KIF16B: variants seen among roughly 807,000 people sequenced by gnomAD.
The protein encoded by KIF16B is kinesin-like protein KIF16B.
A neutral mutation model predicts 156.3 loss-of-function variants in KIF16B; 98 were observed. That is an observed-to-expected ratio of 0.63 (90% CI 0.53 to 0.74). The LOEUF (loss-of-function observed/expected upper bound fraction) is 0.74, where lower values mean the gene tolerates loss of function less well. KIF16B is among the 30% of genes least tolerant of loss of function. KIF16B has a pLI of 0.00. For missense variants in KIF16B, 1,421 were observed against 1,606.5 expected (o/e 0.88, Z 1.97); for synonymous variants, 564 against 583.7 (o/e 0.97, Z 0.49).
rs1187462801 is a variant in KIF16B at position 16,285,990 on chromosome 20, C to G, written c.3796-12579G>C. ...CTCCAGAAGTACATAGTTTCTCATTCTGAAATTGGTTGTACTAGCTCATTA... is the reference window on the plus strand; with the variant it reads ...CTCCAGAAGTACATAGTTTCTCATTGTGAAATTGGTTGTACTAGCTCATTA... On this transcript the variant is annotated intron_variant, in intron 25 of 25. Transcript: ENST00000354981. Among the ~76,000 whole-genome samples, 4 of 152,310 alleles carry G rather than the reference C, an allele frequency of 2.6e-5. No individual in the cohort carries two copies. In the South Asian group the frequency reaches 6.2e-4, roughly 24 times the overall value.
At chr20:16,501,013 G>A (rs1398201434) in intron 10 of KIF16B, among the ~76,000 whole-genome samples, 1 of 151,996 alleles carries the variant, frequency 6.6e-6, no homozygotes, top group African/African-American at 2.4e-5. Flanking sequence ...ATTAAATGCA[G>A]AAATAGCTGA....
chr20:16,288,912 C>A (rs903886674), intron 25 of KIF16B, among the ~76,000 whole-genome samples: 2 of 149,872 alleles, frequency 1.3e-5, no homozygotes, highest in African/African-American at 2.4e-5. Context: ...TTATTGGGAT[C>A]CCATCATAAG....
At chr20:16,542,579 A>G (rs968726743) in intron 1 of KIF16B, among the ~76,000 whole-genome samples, 6 of 152,212 alleles carry the variant, frequency 3.9e-5, no homozygotes, top group Admixed American at 2.6e-4. Flanking sequence ...ATGAACAAAC[A>G]CCTGAACGGG....
intron 1 of KIF16B, among the ~76,000 whole-genome samples, chr20:16,572,290 A>G (rs1033236253): frequency 6.6e-6 from 1 of 152,230 alleles, no homozygotes; most frequent in African/African-American, 2.4e-5. Flanking sequence ...GGCTGCCCCA[A>G]TCAGGCATCA....
At chr20:16,534,184 G>C (rs1338227630) in intron 1 of KIF16B, among the ~76,000 whole-genome samples, 1 of 151,998 alleles carries the variant, frequency 6.6e-6, no homozygotes, top group African/African-American at 2.4e-5. Context: ...GAGCCCGGGG[G>C]ACAGAGGTTG....
At chr20:16,549,474 T>C (rs1351750954) in intron 1 of KIF16B, among the ~76,000 whole-genome samples, 2 of 151,826 alleles carry the variant, frequency 1.3e-5, no homozygotes, top group African/African-American at 2.4e-5. Flanking sequence ...AAGTCTTTGC[T>C]ATTGTGAATA....
intron 12 of KIF16B, among the ~76,000 whole-genome samples, chr20:16,437,480 A>G (rs1396751519): frequency 6.6e-6 from 1 of 152,220 alleles, no homozygotes; most frequent in Non-Finnish European, 1.5e-5. Context: ...TAGGGTGAAT[A>G]AGAACAGAGT....
In KIF16B at chr20:16,331,895, T is replaced by C. The variant is rs903944632; in HGVS notation, c.3711+4031A>G. ...TAAGCACTAATGAGGGCAATAATAA[T>C]TGACAAATACGTAATAAACATTGAT... On this transcript the variant is annotated intron_variant, in intron 24 of 25. Coordinates refer to ENST00000354981, the MANE Select transcript of KIF16B (RefSeq NM_024704.5). 2.0e-5 allele frequency among the ~76,000 whole-genome samples: 3 copies of C among 152,150 alleles called. No individual in the cohort carries two copies. In the East Asian group the frequency reaches 5.8e-4, roughly 29 times the overall value.
chr20:16,543,729 G>T (rs17675229), intron 1 of KIF16B, among the ~76,000 whole-genome samples: 1 of 152,118 alleles, frequency 6.6e-6, no homozygotes, highest in African/African-American at 2.4e-5. Context: ...GATGGTAAGC[G>T]GCCTGAGAGT....
intron 19 of KIF16B, among the ~76,000 whole-genome samples, chr20:16,374,911 G>A (rs773810535): frequency 3.3e-5 from 5 of 152,208 alleles, no homozygotes; most frequent in Non-Finnish European, 5.9e-5. Flanking sequence ...GGAGATGACG[G>A]CAGAAGATTA....
intron 20 of KIF16B, among the ~76,000 whole-genome samples, chr20:16,372,340 G>A (rs1478927170): frequency 6.6e-6 from 1 of 152,160 alleles, no homozygotes; most frequent in Non-Finnish European, 1.5e-5. Flanking sequence ...CTCTGTACCT[G>A]GCCAGCAAGA....
At chr20:16,484,120 A>T (rs2068054393) in intron 12 of KIF16B, among the ~76,000 whole-genome samples, 1 of 152,210 alleles carries the variant, frequency 6.6e-6, no homozygotes, top group Non-Finnish European at 1.5e-5. Flanking sequence ...TGCATTCAAG[A>T]TAATTTATGG....
chr20:16,363,042 A>T (rs1403967163), intron 22 of KIF16B, among the ~76,000 whole-genome samples: 1 of 152,216 alleles, frequency 6.6e-6, no homozygotes. Flanking sequence ...GGTTTGAAAA[A>T]TGTACTGTTT....
At chr20:16,396,938 A>C (rs2065522756) in intron 17 of KIF16B, among the ~76,000 whole-genome samples, 1 of 152,170 alleles carries the variant, frequency 6.6e-6, no homozygotes, top group East Asian at 1.9e-4. Flanking sequence ...GCTAGAATTT[A>C]ATTATTCAAA....
intron 17 of KIF16B, chr20:16,382,244 C>T: frequency 2.3e-6 from 1 of 431,376 alleles, no homozygotes; most frequent in Non-Finnish European, 3.8e-6. Flanking sequence ...ACTTAAAAGG[C>T]AATAGCCATG....
chr20:16,427,276 C>T (rs747944832), intron 14 of KIF16B, 35 bp from the exon 15 acceptor site: 26 of 1,585,896 alleles, frequency 1.6e-5, no homozygotes, highest in Non-Finnish European at 2.2e-5. Flanking sequence ...AGAATTTTTC[C>T]CCCTTTTCTA....
intron 12 of KIF16B, among the ~76,000 whole-genome samples, chr20:16,452,750 G>C (rs936015170): frequency 2.0e-5 from 3 of 151,820 alleles, no homozygotes; most frequent in African/African-American, 4.8e-5. Flanking sequence ...CAGGAGAATG[G>C]CATGAACCTG....
At chr20:16,352,521 T>C (rs1361097102) in intron 23 of KIF16B, among the ~76,000 whole-genome samples, 1 of 152,144 alleles carries the variant, frequency 6.6e-6, no homozygotes, top group Admixed American at 6.5e-5. Context: ...GGAACCCCCG[T>C]TGACTTTCTG....
At position 16,504,355 on chromosome 20, in the gene KIF16B, T is replaced by A; in HGVS notation, c.1176+17A>T. 6.2e-7 allele frequency: 1 copy of A among 1,611,448 alleles called. No individual in the cohort carries two copies. The highest frequency in any genetic ancestry group is 2.2e-5 in the East Asian group (1 of 44,844). On this transcript the variant is annotated intron_variant, in intron 10 of 25. Coordinates refer to ENST00000354981, the MANE Select transcript of KIF16B (RefSeq NM_024704.5). ...TTACTCAAAGAAAATTATCCATAAA[T>A]CTCAGAAAAACCCAACCTGATTCCC...
Sources: gnomAD v4.1 joint callset for allele counts (sites outside exome capture counted in the v4.1 genomes callset) on GRCh38, gnomAD v4.1.1 for gene constraint, MANE v1.5 for transcripts, NCBI Gene and HGNC (gene_info 2026-07-23, HGNC 2026-07-21) for gene names.